The following NKAIN3 variants were observed in gnomAD, a reference collection of about 807,000 sequenced individuals.
The protein encoded by NKAIN3 is sodium/potassium transporting ATPase interacting 3.
A neutral mutation model predicts 30.2 loss-of-function variants in NKAIN3; 25 were observed. The ratio of observed to expected loss-of-function variants is 0.83; its 90% CI spans 0.60 to 1.16. The LOEUF (loss-of-function observed/expected upper bound fraction) is 1.16. Ranked by LOEUF, NKAIN3 falls within the 50% of genes most tolerant of loss-of-function variation. NKAIN3 has a pLI of 0.00. For synonymous variants in NKAIN3, 91 were observed against 89.6 expected (o/e 1.02, Z -0.09); for missense variants, 225 against 254.1 (o/e 0.89, Z 0.78).
At chr8:62,514,004 G>A (rs1472563899) in intron 1 of NKAIN3, among the ~76,000 whole-genome samples, 2 of 152,004 alleles carry the variant, frequency 1.3e-5, no homozygotes, top group Admixed American at 6.6e-5. Context: ...AATGTGCATC[G>A]GTGTGAAGAG....
chr8:62,932,733 C>T (rs71527170), intron 5 of NKAIN3, among the ~76,000 whole-genome samples: 16,372 of 152,002 alleles, frequency 0.11, 979 homozygotes, highest in East Asian at 0.17. Flanking sequence ...TGGAGAATGC[C>T]TCTTTTTTAA....
chr8:62,968,897 G>A lies in NKAIN3; in HGVS notation c.*3490G>A, dbSNP rs903150492. On this transcript the variant is annotated 3_prime_UTR_variant, in exon 7 of 7. Transcript: ENST00000623646. ...AAAATCTAAGCAAGGGAGTTACAGG[G>A]AGGGTTAGAGAATTACCAAAGGACA... Among the ~76,000 whole-genome samples, 2 of 152,182 alleles carry A rather than the reference G, an allele frequency of 1.3e-5. No homozygotes were observed. The highest frequency in any genetic ancestry group is 6.5e-5 in the Admixed American group (1 of 15,276).
intron 3 of NKAIN3, among the ~76,000 whole-genome samples, chr8:62,723,888 A>C (rs746280979): frequency 1.1e-4 from 16 of 152,170 alleles, no homozygotes; most frequent in Non-Finnish European, 2.1e-4. Flanking sequence ...GAAGAAGAGC[A>C]TGACATTTAA....
At chr8:62,612,332 T>G (rs533577217) in intron 3 of NKAIN3, among the ~76,000 whole-genome samples, 1 of 152,162 alleles carries the variant, frequency 6.6e-6, no homozygotes, top group African/African-American at 2.4e-5. Context: ...TGTTATATCC[T>G]CTTACTGAAA....
chr8:62,443,381 ATTTAT>A (rs1218477352), intron 1 of NKAIN3, among the ~76,000 whole-genome samples: 1 of 151,458 alleles, frequency 6.6e-6, no homozygotes, highest in Non-Finnish European at 1.5e-5. Context: ...CTGATATTTT[ATTTAT>A]TTTATTTTAT....
chr8:62,282,239 C>T (rs1813224283), intron 1 of NKAIN3, among the ~76,000 whole-genome samples: 1 of 152,118 alleles, frequency 6.6e-6, no homozygotes, highest in South Asian at 2.1e-4. Flanking sequence ...CACTAATTTC[C>T]ATCCCTGCAC....
intron 3 of NKAIN3, among the ~76,000 whole-genome samples, chr8:62,721,844 G>A (rs569521869): frequency 6.6e-6 from 1 of 152,258 alleles, no homozygotes; most frequent in Non-Finnish European, 1.5e-5. Flanking sequence ...GGCCTCAACT[G>A]TTGTCACTTC....
At chr8:62,697,315 C>T (rs547088049) in intron 3 of NKAIN3, among the ~76,000 whole-genome samples, 3 of 152,308 alleles carry the variant, frequency 2.0e-5, no homozygotes, top group Non-Finnish European at 4.4e-5. Flanking sequence ...GGCTGCCTTG[C>T]GGTCCCTCTG....
At chr8:62,780,015 G>C (rs538725889) in intron 4 of NKAIN3, among the ~76,000 whole-genome samples, 1 of 152,136 alleles carries the variant, frequency 6.6e-6, no homozygotes, top group South Asian at 2.1e-4. Context: ...GAAACAAAAA[G>C]TTGGTTCCTA....
chr8:62,279,534 T>C (rs1465152883), intron 1 of NKAIN3, among the ~76,000 whole-genome samples: 1 of 152,244 alleles, frequency 6.6e-6, no homozygotes, highest in African/African-American at 2.4e-5. Flanking sequence ...TTAATCCATC[T>C]TGAATTAATT....
At chr8:62,499,718 A>G (rs1376764) in intron 1 of NKAIN3, among the ~76,000 whole-genome samples, 101,588 of 151,866 alleles carry the variant, frequency 0.67, 34,462 homozygotes, top group South Asian at 0.79. Context: ...CAGTTTAGGC[A>G]GCATATATTT....
chr8:62,555,011 T>TACACACACACACACAC (rs59610407), intron 1 of NKAIN3, among the ~76,000 whole-genome samples: 264 of 145,022 alleles, frequency 1.8e-3, no homozygotes, highest in African/African-American at 6.3e-3. Flanking sequence ...GCAGAATCTA[T>TACACACACACACACAC]ACACACACAC....
chr8:62,300,629 A>C (rs185665918), intron 1 of NKAIN3, among the ~76,000 whole-genome samples: 5 of 152,292 alleles, frequency 3.3e-5, no homozygotes, highest in African/African-American at 1.2e-4. Flanking sequence ...TGGCCAAAAT[A>C]ATTCCTTATT....
chr8:62,919,226 A>ATT (rs1415475110), intron 5 of NKAIN3, among the ~76,000 whole-genome samples: 963 of 88,002 alleles, frequency 0.011, 21 homozygotes, highest in African/African-American at 0.014. Flanking sequence ...TTACTTTCAA[A>ATT]ATTTTTTTTT....
chr8:62,309,490 G>A (rs566177379), intron 1 of NKAIN3, among the ~76,000 whole-genome samples: 1 of 150,552 alleles, frequency 6.6e-6, no homozygotes, highest in African/African-American at 2.5e-5. Flanking sequence ...ACTCACCTTG[G>A]TCAGGGCATG....
At position 62,400,054 on chromosome 8, in the gene NKAIN3, A is replaced by AT. The variant is rs563080833; in HGVS notation, c.54+150934dup. Among the ~76,000 whole-genome samples the AT allele has an allele frequency of 7.1e-4, 107 of 151,458 alleles. 1 individual carries two copies. The highest frequency in any genetic ancestry group is 1.2e-3 in the Non-Finnish European group (81 of 67,922). ...GTTTGGCTTACATGAGAGGAGGAACATTTTTTTGTTTTGTTTTGTTTTGTT... is the reference window on the plus strand; with the variant it reads ...GTTTGGCTTACATGAGAGGAGGAACATTTTTTTTGTTTTGTTTTGTTTTGTT... On this transcript the variant is annotated intron_variant, in intron 1 of 6. Transcript: ENST00000623646.
At position 62,983,361 on chromosome 8, in the gene NKAIN3, G is replaced by T. The variant is rs575377386; in HGVS notation, c.*17954G>T. The T allele has an allele frequency of 6.6e-6, 1 of 152,210 alleles. No individual in the cohort carries two copies. The highest frequency in any genetic ancestry group is 1.9e-4 in the East Asian group (1 of 5,176). 9.4% of individuals were successfully genotyped at this position (152,210 alleles called of 1,614,324 possible). ...TGCACAAGCCGGGCTCTGATAGGAGGTGCCAGTGCTTTTCTTCTTCCAGTT... is the reference window on the plus strand; with the variant it reads ...TGCACAAGCCGGGCTCTGATAGGAGTTGCCAGTGCTTTTCTTCTTCCAGTT... On this transcript the variant is annotated 3_prime_UTR_variant, in exon 7 of 7. Coordinates refer to ENST00000623646, the MANE Select transcript of NKAIN3 (RefSeq NM_001304533.3).
chr8:62,438,809 T>C (rs1375516890), intron 1 of NKAIN3, among the ~76,000 whole-genome samples: 1 of 152,156 alleles, frequency 6.6e-6, no homozygotes, highest in Non-Finnish European at 1.5e-5. Flanking sequence ...GTGATCTGCC[T>C]GTCTTGGCCT....
At chr8:62,280,719 T>TA (rs1287895475) in intron 1 of NKAIN3, among the ~76,000 whole-genome samples, 5 of 152,198 alleles carry the variant, frequency 3.3e-5, no homozygotes, top group African/African-American at 1.2e-4. Flanking sequence ...ATCCCAGGGA[T>TA]AAAGCCAACT....
Sources: allele counts gnomAD v4.1 joint callset (sites outside exome capture counted in the v4.1 genomes callset), GRCh38; gene constraint gnomAD v4.1.1; transcripts MANE v1.5; gene names NCBI Gene and HGNC (gene_info 2026-07-23, HGNC 2026-07-21).